The following PLCE1 variants were observed in gnomAD, a reference collection of about 807,000 sequenced individuals.
PLCE1 encodes phospholipase C epsilon 1, also known as 1-phosphatidylinositol 4,5-bisphosphate phosphodiesterase epsilon-1.
A neutral mutation model predicts 242.8 loss-of-function variants in PLCE1; 119 were observed. The ratio of observed to expected loss-of-function variants is 0.49; its 90% CI spans 0.42 to 0.57. The LOEUF (loss-of-function observed/expected upper bound fraction) is 0.57. Ranked by LOEUF, PLCE1 falls within the 20% of genes least tolerant of loss-of-function variation. PLCE1 has a pLI of 0.00. For synonymous variants in PLCE1, 945 were observed against 1,017.4 expected (o/e 0.93, Z 1.35); for missense variants, 2,441 against 2,788.8 (o/e 0.88, Z 2.81).
chr10:94,248,698 T>C (rs982109357), intron 8 of PLCE1, among the ~76,000 whole-genome samples: 2 of 151,974 alleles, frequency 1.3e-5, no homozygotes, highest in Admixed American at 6.6e-5. Flanking sequence ...TCAGGAGCTA[T>C]TGTGAATGTC....
chr10:94,140,284 G>A (rs1226810232), intron 3 of PLCE1, among the ~76,000 whole-genome samples: 1 of 151,930 alleles, frequency 6.6e-6, no homozygotes, highest in Non-Finnish European at 1.5e-5. Context: ...AAGTCTACCA[G>A]CACTTTGAGA....
chr10:94,304,217 G>A (rs958242439), intron 24 of PLCE1, among the ~76,000 whole-genome samples: 1 of 152,170 alleles, frequency 6.6e-6, no homozygotes. Context: ...CTAGTTTGGA[G>A]TGGTAACACT....
In PLCE1 at chr10:94,246,627, G is replaced by T; in HGVS notation, c.3096+6G>T. On this transcript the variant is annotated splice_donor_region_variant and intron_variant, in intron 8 of 32. Coordinates refer to ENST00000371380, the MANE Select transcript of PLCE1 (RefSeq NM_016341.4). ...AGTACGTCAGCCTTTATCAGGTAAGGGGTGCAGCCATCCCTCTTTCCTCAC... is the reference window on the plus strand; with the variant it reads ...AGTACGTCAGCCTTTATCAGGTAAGTGGTGCAGCCATCCCTCTTTCCTCAC... The T allele has an allele frequency of 6.2e-7, 1 of 1,612,580 alleles. No individual in the cohort carries two copies. The highest frequency in any genetic ancestry group is 2.2e-5 in the East Asian group (1 of 44,836).
At position 94,132,394 on chromosome 10, in the gene PLCE1, C is replaced by G; in HGVS notation, c.1427C>G (p.Ser476Cys). Residue 476 changes from serine (S) to cysteine (C), a missense_variant, in exon 3 of 33, where the codon TCT becomes TGT. Around this residue, in one of 5 missense-constraint regions of PLCE1, gnomAD observed 733 missense variants for 754.2 expected, o/e 0.97. Coordinates refer to ENST00000371380, the MANE Select transcript of PLCE1 (RefSeq NM_016341.4). ...GGTTCTCTCCTAGAAGCAACCACGT[C>G]TTTGGGAGCAAGAAGTGGCCTTCTC... ...ITGSLLEATT[S>C]LGARSGLLST... 9 of 1,614,154 alleles carry G rather than the reference C, an allele frequency of 5.6e-6. No individual in the cohort carries two copies. The highest frequency in any genetic ancestry group is 7.6e-6 in the Non-Finnish European group (9 of 1,179,998).
chr10:94,092,840 A>G (rs1025781376), intron 2 of PLCE1, among the ~76,000 whole-genome samples: 1 of 152,254 alleles, frequency 6.6e-6, no homozygotes, highest in Non-Finnish European at 1.5e-5. Context: ...ATCAAAGTGA[A>G]GGAACCAGGC....
chr10:94,220,463 A>G (rs902427110), intron 4 of PLCE1, among the ~76,000 whole-genome samples: 4 of 139,484 alleles, frequency 2.9e-5, no homozygotes, highest in Non-Finnish European at 4.6e-5. Flanking sequence ...ATTCCTAGCA[A>G]TGAGCCAGGG....
chr10:94,196,052 T>C (rs2048811285), intron 4 of PLCE1, among the ~76,000 whole-genome samples: 1 of 152,192 alleles, frequency 6.6e-6, no homozygotes, highest in Non-Finnish European at 1.5e-5. Flanking sequence ...TTCTAAGCCT[T>C]CCTTTGCCAG....
intron 7 of PLCE1, among the ~76,000 whole-genome samples, chr10:94,241,509 T>G (rs2050500689): frequency 6.6e-6 from 1 of 152,104 alleles, no homozygotes; most frequent in South Asian, 2.1e-4. Flanking sequence ...GAAAGCCCCT[T>G]GGCCGGGCAT....
intron 4 of PLCE1, among the ~76,000 whole-genome samples, chr10:94,217,273 A>T (rs1183339189): frequency 1.3e-5 from 2 of 151,864 alleles, no homozygotes; most frequent in African/African-American, 4.8e-5. Flanking sequence ...TTACATGGAG[A>T]GTGTTGTTAT....
At chr10:94,293,705 G>A (rs1255455308) in intron 23 of PLCE1, 66 bp downstream of exon 23, 19 of 1,529,068 alleles carry the variant, frequency 1.2e-5, no homozygotes, top group Non-Finnish European at 1.7e-5. Flanking sequence ...ATATTTTACT[G>A]TCTAAGCACT....
At chr10:94,052,026 A>G (rs1451873206) in intron 2 of PLCE1, among the ~76,000 whole-genome samples, 1 of 152,228 alleles carries the variant, frequency 6.6e-6, no homozygotes, top group African/African-American at 2.4e-5. Flanking sequence ...CCTTCGGGGC[A>G]TGAATTTCTT....
chr10:94,085,246 A>G (rs2044773494), intron 2 of PLCE1, among the ~76,000 whole-genome samples: 1 of 152,152 alleles, frequency 6.6e-6, no homozygotes, highest in Admixed American at 6.5e-5. Flanking sequence ...TGGGGGTCCT[A>G]GTGGTAGAGA....
intron 4 of PLCE1, among the ~76,000 whole-genome samples, chr10:94,206,134 C>G (rs941187322): frequency 1.2e-4 from 18 of 151,950 alleles, no homozygotes; most frequent in Admixed American, 1.0e-3. Context: ...AACCTCAAGT[C>G]GAGTGATGAG....
At chr10:94,001,567 T>G (rs2060931526) in intron 1 of PLCE1, among the ~76,000 whole-genome samples, 1 of 152,196 alleles carries the variant, frequency 6.6e-6, no homozygotes, top group Non-Finnish European at 1.5e-5. Flanking sequence ...TATTACTGAC[T>G]ATGGAAAATC....
chr10:94,299,075 G>T lies in PLCE1; in HGVS notation c.5458+406G>T, dbSNP rs150787775. Among the ~76,000 whole-genome samples the T allele has an allele frequency of 7.9e-5, 12 of 152,336 alleles. No homozygotes were observed. The East Asian group carries it at 2.3e-3, about 29-fold the overall frequency. Reference sequence around the variant, plus strand: ...TAGTGTCACTCCAACCACTTTGCAAGTTAAAACCATGTTAGCGTCTTATCC... The same window carrying T: ...TAGTGTCACTCCAACCACTTTGCAATTTAAAACCATGTTAGCGTCTTATCC... On this transcript the variant is annotated intron_variant, in intron 24 of 32. Coordinates refer to ENST00000371380, the MANE Select transcript of PLCE1 (RefSeq NM_016341.4).
intron 1 of PLCE1, among the ~76,000 whole-genome samples, chr10:94,023,698 G>T (rs1418845613): frequency 6.6e-6 from 1 of 152,090 alleles, no homozygotes; most frequent in Non-Finnish European, 1.5e-5. Context: ...CTATTTTACT[G>T]TATTGGCAGC....
intron 3 of PLCE1, among the ~76,000 whole-genome samples, chr10:94,153,633 G>A (rs1400747466): frequency 2.0e-5 from 3 of 152,070 alleles, no homozygotes; most frequent in Non-Finnish European, 2.9e-5. Context: ...CTCAAAGATA[G>A]ACAATCCTAA....
chr10:94,213,122 A>G (rs947513116), intron 4 of PLCE1, among the ~76,000 whole-genome samples: 2 of 152,298 alleles, frequency 1.3e-5, no homozygotes, highest in East Asian at 3.9e-4. Context: ...ACCACTCCCC[A>G]GTTACAGGAT....
chr10:94,279,473 G>A, intron 19 of PLCE1: 3 of 413,664 alleles, frequency 7.3e-6, no homozygotes, highest in Non-Finnish European at 1.3e-5. Flanking sequence ...GATTGATGCT[G>A]GTTCTCCAAA....
Sources: allele counts gnomAD v4.1 joint callset (sites outside exome capture counted in the v4.1 genomes callset), GRCh38; gene constraint gnomAD v4.1.1; regional missense constraint gnomAD v4.1.1; transcripts MANE v1.5; gene names NCBI Gene and HGNC (gene_info 2026-07-23, HGNC 2026-07-21).